POSTN: variants seen among roughly 807,000 people sequenced by gnomAD.
The protein encoded by POSTN is osteoblast specific factor 2 (fasciclin I-like).
A neutral mutation model predicts 104.5 loss-of-function variants in POSTN; 71 were observed. The ratio of observed to expected loss-of-function variants is 0.68; its 90% CI spans 0.56 to 0.83. The LOEUF (loss-of-function observed/expected upper bound fraction) is 0.83, where lower values mean the gene tolerates loss of function less well. Ranked by LOEUF, POSTN falls within the 40% of genes least tolerant of loss-of-function variation. The pLI is 0.00. For missense variants in POSTN, 949 were observed against 1,006.8 expected (o/e 0.94, Z 0.78); for synonymous variants, 355 against 340.7 (o/e 1.04, Z -0.46).
chr13:37,569,512 T>G (rs189254819), intron 20 of POSTN, 129 bp from the exon 21 acceptor site: 1 of 856,302 alleles, frequency 1.2e-6, no homozygotes, highest in Admixed American at 2.0e-5. Flanking sequence ...TTTCACAAAT[T>G]TTAGTGCTGT....
In POSTN at chr13:37,580,575, T is replaced by C; in HGVS notation, c.1515A>G (p.Gln505=). ...AATAGGCTTACCTAAAGCGCTTATC[T>C]TGTTTTAACTTTTCATGGAGGGATT... is the stretch of plus-strand genomic sequence containing the variant. The part of the protein sequence containing the change: ...AEKSLHEKLK[Q]DKRFSTFLSL... Residue 505 remains glutamine (Q), a synonymous_variant, in exon 11 of 23, where the codon CAA becomes CAG. Transcript: ENST00000379747. The C allele has an allele frequency of 6.2e-7, 1 of 1,614,138 alleles. No homozygotes were observed. Among genetic ancestry groups the C allele is most frequent in the Non-Finnish European group, 8.5e-7 (1 of 1,179,988 alleles).
chr13:37,579,164 G>A, intron 13 of POSTN, 43 bp from the exon 14 acceptor site: 1 of 1,603,474 alleles, frequency 6.2e-7, no homozygotes. Context: ...ATTTCATTAA[G>A]GATGAATATT....
At chr13:37,595,604 C>T (rs955728558) in intron 2 of POSTN, among the ~76,000 whole-genome samples, 8 of 152,150 alleles carry the variant, frequency 5.3e-5, no homozygotes, top group Non-Finnish European at 7.4e-5. Flanking sequence ...AAATAGGCAT[C>T]TGGTCACAAC....
chr13:37,595,973 A>AT (rs919887909), intron 2 of POSTN, among the ~76,000 whole-genome samples: 43 of 149,334 alleles, frequency 2.9e-4, no homozygotes, highest in South Asian at 8.6e-4. Context: ...TAATTTTTGT[A>AT]TTTTTTTTTA....
chr13:37,584,221 A>C, intron 8 of POSTN, 118 bp from the exon 9 acceptor site: 1 of 1,272,146 alleles, frequency 7.9e-7, no homozygotes, highest in Non-Finnish European at 1.1e-6. Context: ...CTGCAATGTC[A>C]GTGTGATAAG....
chr13:37,580,081 T>G, intron 11 of POSTN, 90 bp from the exon 12 acceptor site: 1 of 1,257,066 alleles, frequency 8.0e-7, no homozygotes, highest in Non-Finnish European at 1.1e-6. Flanking sequence ...ATCCATGTAT[T>G]GTGGAAAGCA....
At chr13:37,584,574 C>T in intron 8 of POSTN, 142 bp downstream of exon 8, 1 of 691,144 alleles carries the variant, frequency 1.4e-6, no homozygotes, top group Non-Finnish European at 2.4e-6. Context: ...GCTCAAGTAG[C>T]TCACTATTTA....
In POSTN at chr13:37,587,809, T is replaced by C. The variant is rs1281674205; in HGVS notation, c.606+13A>G. The C allele has an allele frequency of 6.5e-6, 10 of 1,533,736 alleles. No homozygotes were observed. The highest frequency in any genetic ancestry group is 8.9e-6 in the Non-Finnish European group (10 of 1,124,610). On this transcript the variant is annotated intron_variant, in intron 5 of 22. Coordinates refer to ENST00000379747, the MANE Select transcript of POSTN (RefSeq NM_006475.3). ...TATTTTTCATAAGTGTACTTTTTACTGATAAAACTTACCCCATTAGGATAA... is the reference window on the plus strand; with the variant it reads ...TATTTTTCATAAGTGTACTTTTTACCGATAAAACTTACCCCATTAGGATAA...
Position 37,580,569 on chromosome 13 carries a change from C to T in POSTN, c.1521G>A (p.Lys507=), listed in dbSNP as rs754557426. ...GCCACTAATAGGCTTACCTAAAGCGCTTATCTTGTTTTAACTTTTCATGGA... is the reference window on the plus strand; with the variant it reads ...GCCACTAATAGGCTTACCTAAAGCGTTTATCTTGTTTTAACTTTTCATGGA... The part of the protein sequence containing the change: ...KSLHEKLKQD[K]RFSTFLSLLE... Residue 507 remains lysine, a synonymous_variant, in exon 11 of 23, where the codon AAG becomes AAA. Coordinates refer to ENST00000379747, the MANE Select transcript of POSTN (RefSeq NM_006475.3). 18 of 1,614,030 alleles carry T rather than the reference C, an allele frequency of 1.1e-5. No homozygotes were observed. The highest frequency in any genetic ancestry group is 1.5e-5 in the Non-Finnish European group (18 of 1,179,972).
At chr13:37,587,517 G>A (rs897952912) in intron 5 of POSTN, among the ~76,000 whole-genome samples, 1 of 152,062 alleles carries the variant, frequency 6.6e-6, no homozygotes, top group African/African-American at 2.4e-5. Context: ...CTCATTCTTT[G>A]ATTATTCTTT....
intron 3 of POSTN, among the ~76,000 whole-genome samples, chr13:37,591,013 A>G (rs1950916054): frequency 6.6e-6 from 1 of 152,108 alleles, no homozygotes; most frequent in African/African-American, 2.4e-5. Flanking sequence ...GCCTGAAGGG[A>G]TTTATCTGGT....
At chr13:37,588,112 C>T (rs1386749792) in intron 4 of POSTN, 126 bp from the exon 5 acceptor site, 1 of 754,800 alleles carries the variant, frequency 1.3e-6, no homozygotes, top group African/African-American at 1.8e-5. Context: ...ACAAAATTGA[C>T]ATAAATAACT....
At chr13:37,567,677 G>C (rs1213765262) in intron 21 of POSTN, among the ~76,000 whole-genome samples, 1 of 151,990 alleles carries the variant, frequency 6.6e-6, no homozygotes, top group Non-Finnish European at 1.5e-5. Flanking sequence ...CAGATATGTA[G>C]AGAGATCATA....
chr13:37,580,019 T>C, intron 11 of POSTN, 28 bp from the exon 12 acceptor site: 1 of 1,604,386 alleles, frequency 6.2e-7, no homozygotes, highest in Non-Finnish European at 8.5e-7. Flanking sequence ...ATATGTATTT[T>C]GTCAGATTTA....
intron 3 of POSTN, among the ~76,000 whole-genome samples, chr13:37,591,040 A>AT (rs141592524): frequency 0.03 from 4,548 of 152,100 alleles, 214 homozygotes; most frequent in African/African-American, 0.1. Flanking sequence ...CAGTCAACTT[A>AT]TTTTTTCTGA....
chr13:37,580,584 C>A lies in POSTN; in HGVS notation c.1506G>T (p.Lys502Asn). Residue 502 changes from lysine to asparagine, a missense_variant, in exon 11 of 23, where the codon AAG becomes AAT. Physicochemically the swap from Lys to Asn is moderately conservative, Grantham distance 94. Transcript: ENST00000379747. ...ACCTAAAGCGCTTATCTTGTTTTAACTTTTCATGGAGGGATTTCTCTGCTG... is the reference window on the plus strand; with the variant it reads ...ACCTAAAGCGCTTATCTTGTTTTAAATTTTCATGGAGGGATTTCTCTGCTG... Reference protein sequence around the residue: ...IKPAEKSLHEKLKQDKRFSTF... With the variant: ...IKPAEKSLHENLKQDKRFSTF... 2 of 1,614,058 alleles carry A rather than the reference C, an allele frequency of 1.2e-6. No homozygotes were observed. The highest frequency in any genetic ancestry group is 1.7e-6 in the Non-Finnish European group (2 of 1,179,974).
intron 15 of POSTN, among the ~76,000 whole-genome samples, 195 bp downstream of exon 15, chr13:37,578,649 A>T (rs1164563715): frequency 6.6e-6 from 1 of 151,882 alleles, no homozygotes; most frequent in Non-Finnish European, 1.5e-5. Context: ...TACAAAAAAA[A>T]TTAGCTGGGT....
chr13:37,594,324 G>A (rs1046563207), intron 2 of POSTN, among the ~76,000 whole-genome samples: 2 of 152,152 alleles, frequency 1.3e-5, no homozygotes, highest in South Asian at 2.1e-4. Context: ...AATATGACAA[G>A]GGTCAGTCAT....
At chr13:37,567,423 A>G (rs73182620) in intron 21 of POSTN, among the ~76,000 whole-genome samples, 13,403 of 151,718 alleles carry the variant, frequency 0.088, 831 homozygotes, top group South Asian at 0.18. Context: ...TCTTTTATCA[A>G]TGCCTTTTAG....
Sources: gnomAD v4.1 joint callset for allele counts (sites outside exome capture counted in the v4.1 genomes callset) on GRCh38, gnomAD v4.1.1 for gene constraint, MANE v1.5 for transcripts, NCBI Gene and HGNC (gene_info 2026-07-23, HGNC 2026-07-21) for gene names.